DAB1: variants seen among roughly 807,000 people sequenced by gnomAD.
The protein encoded by DAB1 is disabled homolog 1.
A neutral mutation model predicts 64.6 loss-of-function variants in DAB1; 15 were observed. The observed-to-expected ratio is 0.23, with a 90% confidence interval of 0.16 to 0.36. DAB1 has a LOEUF of 0.36. Among genes scored for constraint, DAB1 ranks in the 10% least tolerant of loss-of-function variants. The pLI, the probability that DAB1 is intolerant of heterozygous loss-of-function variation, is 1.00. For synonymous variants in DAB1, 235 were observed against 251.9 expected, an observed-to-expected ratio of 0.93 and a Z score of 0.64; for missense variants, 596 against 706.7, an observed-to-expected ratio of 0.84 and a Z score of 1.78.
chr1:57,495,173 G>A (rs780391406), intron 7 of DAB1, among the ~76,000 whole-genome samples: 2 of 152,128 alleles, frequency 1.3e-5, no homozygotes, highest in African/African-American at 2.4e-5. Context: ...CTAAAAATAT[G>A]AGATTTGCCT....
rs377112279 is a variant in DAB1 at position 58,486,106 on chromosome 1, T to C, written n.257+19954A>G. ...GGTATTTTACACATCTAAATTGACA[T>C]TGGAATTTGAACCACTTTTGAAATC... is the stretch of plus-strand genomic sequence containing the variant. On this transcript the variant is annotated intron_variant and non_coding_transcript_variant, in intron 3 of 20. Coordinates refer to the DAB1 transcript ENST00000485760. Among the ~76,000 whole-genome samples, 86 of 152,340 alleles carry C rather than the reference T, an allele frequency of 5.6e-4. No homozygotes were observed. In the East Asian group the frequency reaches 7.1e-3, roughly 13 times the overall value.
intron 3 of DAB1, among the ~76,000 whole-genome samples, chr1:57,139,683 A>G (rs531362230): frequency 1.6e-4 from 25 of 152,160 alleles, no homozygotes; most frequent in Non-Finnish European, 3.4e-4. Context: ...AACAGCTCCT[A>G]GCTAACAGAT....
chr1:57,942,791 T>G (rs578011937), intron 5 of DAB1, among the ~76,000 whole-genome samples: 79 of 152,322 alleles, frequency 5.2e-4, no homozygotes, highest in African/African-American at 1.8e-3. Context: ...TTGGACTGCC[T>G]GCCTGCTCAC....
chr1:58,329,415 T>C (rs894914273), intron 4 of DAB1, among the ~76,000 whole-genome samples: 2 of 152,242 alleles, frequency 1.3e-5, no homozygotes, highest in Admixed American at 1.3e-4. Context: ...TCCTTTACAA[T>C]ATCATTTTTA....
chr1:57,947,425 T>C (rs1484591419), intron 5 of DAB1, among the ~76,000 whole-genome samples: 3 of 152,116 alleles, frequency 2.0e-5, no homozygotes, highest in African/African-American at 4.8e-5. Flanking sequence ...ATTGACATTT[T>C]TAACCAGAGC....
intron 5 of DAB1, among the ~76,000 whole-genome samples, chr1:58,094,908 C>A (rs992791464): frequency 2.0e-5 from 3 of 152,186 alleles, no homozygotes; most frequent in African/African-American, 7.2e-5. Context: ...CACTGTGGTC[C>A]AAAGACCACA....
At chr1:57,005,309 C>T (rs1017697221) in intron 14 of DAB1, among the ~76,000 whole-genome samples, 15 of 152,174 alleles carry the variant, frequency 9.9e-5, no homozygotes, top group Admixed American at 6.5e-4. Context: ...CAGATGATGA[C>T]GCTGAAATTG....
chr1:57,869,457 A>G (rs1354752887), intron 1 of DAB1, among the ~76,000 whole-genome samples: 1 of 152,098 alleles, frequency 6.6e-6, no homozygotes, highest in African/African-American at 2.4e-5. Flanking sequence ...AAGCTGGAAA[A>G]TTCTCCAGGA....
At chr1:58,426,208 T>A (rs1644820650) in intron 3 of DAB1, among the ~76,000 whole-genome samples, 1 of 152,134 alleles carries the variant, frequency 6.6e-6, no homozygotes, top group Middle Eastern at 3.2e-3. Flanking sequence ...GGTAAAATGG[T>A]GGGCCTTGGA....
intron 4 of DAB1, among the ~76,000 whole-genome samples, chr1:58,190,925 G>A (rs1657356809): frequency 6.6e-6 from 1 of 152,132 alleles, no homozygotes; most frequent in South Asian, 2.1e-4. Context: ...TTCCCGCATG[G>A]GTGGAGGAAA....
intron 7 of DAB1, among the ~76,000 whole-genome samples, chr1:57,540,175 A>G (rs1389240636): frequency 6.6e-6 from 1 of 152,196 alleles, no homozygotes; most frequent in African/African-American, 2.4e-5. Flanking sequence ...CATTTTATGA[A>G]CAACAGGTAT....
chr1:57,553,419 A>AAAG (rs1644941716), intron 7 of DAB1, among the ~76,000 whole-genome samples: 2 of 12,320 alleles, frequency 1.6e-4, no homozygotes, highest in Non-Finnish European at 2.8e-3. Context: ...AGAAAGAAAG[A>AAAG]AAGAAAGAAA....
At chr1:58,126,544 G>A (rs1653102064) in intron 5 of DAB1, among the ~76,000 whole-genome samples, 2 of 150,936 alleles carry the variant, frequency 1.3e-5, no homozygotes, top group African/African-American at 4.9e-5. Flanking sequence ...CCATGCTGGT[G>A]CGCTGCACCC....
rs373832634 is a variant in DAB1, at chr1:57,579,047, T to C, written n.625+70545A>G. Among the ~76,000 whole-genome samples, 10 of 152,304 alleles carry C rather than the reference T, an allele frequency of 6.6e-5. No individual in the cohort carries two copies. In the East Asian group the frequency reaches 1.9e-3, roughly 29 times the overall value. ...CACCTCCAAGAAGCAGGGGGTCAGA[T>C]ATGGTCACCATCACATATAAAGATC... On this transcript the variant is annotated intron_variant and non_coding_transcript_variant, in intron 7 of 20. Transcript: ENST00000485760.
chr1:57,965,638 C>T (rs1225344216), intron 5 of DAB1, among the ~76,000 whole-genome samples: 1 of 152,144 alleles, frequency 6.6e-6, no homozygotes, highest in Non-Finnish European at 1.5e-5. Context: ...AGGAATATAG[C>T]ATCCACAGTT....
intron 3 of DAB1, among the ~76,000 whole-genome samples, chr1:58,490,795 C>CTTTTTTTTTTTTTT (rs148145860): frequency 1.7e-5 from 1 of 59,244 alleles, no homozygotes; most frequent in African/African-American, 6.4e-5. Flanking sequence ...AGTCAACATT[C>CTTTTTTTTTTTTTT]TTTTTTTTTT....
intron 2 of DAB1, among the ~76,000 whole-genome samples, chr1:57,177,482 A>G (rs761166716): frequency 5.3e-5 from 8 of 152,164 alleles, no homozygotes; most frequent in Non-Finnish European, 1.2e-4. Context: ...CAATGTCCAC[A>G]TAGAATTAGG....
At chr1:58,165,507 T>A (rs1288443463) in intron 4 of DAB1, among the ~76,000 whole-genome samples, 3 of 152,210 alleles carry the variant, frequency 2.0e-5, no homozygotes, top group Non-Finnish European at 2.9e-5. Context: ...CTTGATAACA[T>A]CTGCAAAAGG....
At chr1:57,577,812 A>G (rs1645267790) in intron 7 of DAB1, among the ~76,000 whole-genome samples, 1 of 152,238 alleles carries the variant, frequency 6.6e-6, no homozygotes, top group African/African-American at 2.4e-5. Context: ...TCTCTTGAAA[A>G]TGCCATTTTG....
Sources: allele counts gnomAD v4.1 joint callset (sites outside exome capture counted in the v4.1 genomes callset), GRCh38; gene constraint gnomAD v4.1.1; transcripts MANE v1.5; gene names NCBI Gene and HGNC (gene_info 2026-07-23, HGNC 2026-07-21).